NACA: variants seen among roughly 807,000 people sequenced by gnomAD.
NACA encodes the protein nascent polypeptide associated complex subunit alpha.
In NACA, 42 loss-of-function variants were observed where a neutral mutation model predicts 86.4. The ratio of observed to expected loss-of-function variants is 0.49; its 90% confidence interval spans 0.38 to 0.63. The LOEUF (loss-of-function observed/expected upper bound fraction) is 0.63, where lower values mean the gene tolerates loss of function less well. NACA is among the 20% of genes least tolerant of loss of function. The pLI is 0.00. For synonymous variants in NACA, 898 were observed against 973.7 expected (o/e 0.92, Z 1.45); for missense variants, 2,157 against 2,483.6 (o/e 0.87, Z 2.80).
At chr12:56,724,812 C>T (rs1953669605) in intron 1 of NACA, 1 of 388,776 alleles carries the variant, frequency 2.6e-6, no homozygotes, top group East Asian at 5.0e-5. Flanking sequence ...ACCCCCTCCA[C>T]TCCTAATACT....
chr12:56,717,231 G>C lies in NACA; in HGVS notation c.4299C>G (p.Leu1433=), dbSNP rs1457601822. The C allele has an allele frequency of 3.0e-6, 4 of 1,315,242 alleles. No individual in the cohort carries two copies. The highest frequency in any genetic ancestry group is 4.0e-6 in the Non-Finnish European group (4 of 1,009,906). The allele number at this position is 1,315,242 out of a possible 1,614,324, so 81.5% of individuals were successfully genotyped here. ...EGAATPSKGD[L]TPPAVTPVSL... ...AGACAGGAGTCACTGCTGGGGGAGT[G>C]AGATCTCCTTTGGATGGGGTGGCTG... Residue 1433 remains leucine, a synonymous_variant, in exon 3 of 9, where the codon CTC becomes CTG. Transcript: ENST00000454682.
chr12:56,714,579 C>A, intron 4 of NACA, 23 bp downstream of exon 4: 1 of 1,613,368 alleles, frequency 6.2e-7, no homozygotes, highest in Non-Finnish European at 8.5e-7. Flanking sequence ...TGACCCAATA[C>A]CAGTTAGTAA....
chr12:56,714,799 TTAAATG>T (rs1953307801), intron 3 of NACA, 112 bp from the exon 4 acceptor site: 1 of 976,800 alleles, frequency 1.0e-6, no homozygotes, highest in African/African-American at 1.6e-5. Context: ...CCTAAGAATG[TTAAATG>T]TAAACCAACT....
In NACA at chr12:56,713,581, T is replaced by C. The variant is rs1487448500; in HGVS notation, c.5926A>G (p.Lys1976Glu). The change falls in exon 6 of 9, where the codon AAG becomes GAG. Residue 1976 changes from lysine (K) to glutamate (E), a missense_variant. This residue lies in a region of NACA where 81 missense variants were observed against 200.6 expected (regional missense o/e 0.40). Transcript: ENST00000454682. ...ATGTAAGTATCTGAAGCAGGGCTCT[T>C]GTAGACATCTGGTTTTGTGATGACA... ...LFVITKPDVYKSPASDTYIVF... is the reference protein window; with the variant it reads ...LFVITKPDVYESPASDTYIVF... The C allele has an allele frequency of 6.2e-7, 1 of 1,613,898 alleles. No individual in the cohort carries two copies. Among genetic ancestry groups the C allele is most frequent in the African/African-American group, 1.3e-5 (1 of 74,920 alleles).
At chr12:56,715,396 C>G (rs953456757) in intron 3 of NACA, among the ~76,000 whole-genome samples, 1 of 152,138 alleles carries the variant, frequency 6.6e-6, no homozygotes, top group Non-Finnish European at 1.5e-5. Context: ...CAGATTTCTA[C>G]ATTTTTATGA....
rs774151575 is a variant in NACA, at chr12:56,718,118, CTTTTGGGGAGGGAGGAGTTG to C, written c.3392_3411del (p.Ala1131GlyfsTer207). 3 of 923,384 alleles carry C rather than the reference CTTTTGGGGAGGGAGGAGTTG, an allele frequency of 3.2e-6. No homozygotes were observed. The highest frequency in any genetic ancestry group is 1.3e-6 in the Non-Finnish European group (1 of 773,126). The allele number at this position is 923,384 out of a possible 1,614,324, so 57.2% of individuals were successfully genotyped here. A position where few individuals can be genotyped will look rare whatever the true frequency, so the allele number is the denominator to read the frequency against. On this transcript the variant is annotated frameshift_variant, in exon 3 of 9. Coordinates refer to ENST00000454682, the MANE Select transcript of NACA (RefSeq NM_001365896.1). LOFTEE classifies it high-confidence loss of function. ...TTTGGGGGTGGGGTAGCTAGACCTC[CTTTTGGGGAGGGAGGAGTTG>C]CAGCTGGGGTTGTGGGTGCCCCTTT...
Position 56,716,369 on chromosome 12 carries a change from A to C in NACA, c.5161T>G (p.Ser1721Ala), listed in dbSNP as rs1205518436. ...ATSPPICPDP[S>A]AKNGSKGPLS... is the part of the protein sequence containing the mutation. ...GGTCCTTTAGAACCATTCTTAGCTGAGGGATCTGGGCATATAGGAGGTGAA... is the reference window on the plus strand; with the variant it reads ...GGTCCTTTAGAACCATTCTTAGCTGCGGGATCTGGGCATATAGGAGGTGAA... Residue 1721 changes from serine (S) to alanine (A), a missense_variant, in exon 3 of 9, where the codon TCA (serine) becomes GCA (alanine). By Grantham distance (99) the Ser-to-Ala change is moderately conservative (BLOSUM62 1). This residue lies in a region of NACA where 797 missense variants were observed against 777.6 expected (regional missense o/e 1.02). Transcript: ENST00000454682. The C allele has an allele frequency of 6.2e-7, 1 of 1,611,130 alleles. No homozygotes were observed. Among genetic ancestry groups the C allele is most frequent in the East Asian group, 2.2e-5 (1 of 44,806 alleles).
In NACA at chr12:56,717,656, C is replaced by T; in HGVS notation, c.3874G>A (p.Val1292Ile). The T allele has an allele frequency of 8.4e-7, 1 of 1,190,668 alleles. No individual in the cohort carries two copies. Among genetic ancestry groups the T allele is most frequent in the South Asian group, 2.3e-5 (1 of 44,206 alleles). The allele number at this position is 1,190,668 out of a possible 1,614,324, so 73.8% of individuals were successfully genotyped here. A position where few individuals can be genotyped will look rare whatever the true frequency, so the allele number is the denominator to read the frequency against. ...PHKGAPNPAV[V>I]TPPSPKGGPA... is the part of the protein sequence containing the mutation. ...CCTCCTTTTGGAGAGGGAGGAGTTA[C>T]AACTGCGGGATTGGGGGCCCCTTTG... The change falls in exon 3 of 9, where the codon GTA becomes ATA. Residue 1292 changes from valine (V) to isoleucine (I), a missense_variant. By Grantham distance (29) the Val-to-Ile change is conservative (BLOSUM62 3). Around this residue, in one of 8 missense-constraint regions of NACA, gnomAD observed 797 missense variants for 777.6 expected, o/e 1.02. Transcript: ENST00000454682.
chr12:56,716,280 T>C lies in NACA; in HGVS notation c.5250A>G (p.Lys1750=). 2 of 1,613,366 alleles carry C rather than the reference T, an allele frequency of 1.2e-6. No individual in the cohort carries two copies. Among genetic ancestry groups the C allele is most frequent in the South Asian group, 1.1e-5 (1 of 90,652 alleles). The change falls in exon 3 of 9, where the codon AAA becomes AAG. Residue 1750 remains lysine (K), a synonymous_variant. Transcript: ENST00000454682. ...TTGGGGAATGAGAAGCATCTTTGCC[T>C]TTTGCTGTCTTTGAAGAGTCTTTCT... The part of the protein sequence containing the change: ...PVQKDSSKTA[K]GKDASHSPKG...
At position 56,716,190 on chromosome 12, in the gene NACA, C is replaced by G. The variant is rs1953354963; in HGVS notation, c.5340G>C (p.Lys1780Asn). ...ATGCTGATTCAGGTTTAGGAAGGAC[C>G]TTCTCAAAGGCAGCTGCTGTTAGAG... is the stretch of plus-strand genomic sequence containing the variant. ...STPLTAAAFEKVLPKPESASV... is the reference protein window; with the variant it reads ...STPLTAAAFENVLPKPESASV... Residue 1780 changes from lysine to asparagine, a missense_variant, in exon 3 of 9, where the codon AAG (lysine) becomes AAC (asparagine). Physicochemically the swap from Lys to Asn is moderately conservative, Grantham distance 94. Coordinates refer to ENST00000454682, the MANE Select transcript of NACA (RefSeq NM_001365896.1). 1.2e-6 allele frequency: 2 copies of G among 1,613,700 alleles called. No individual in the cohort carries two copies. Among genetic ancestry groups the G allele is most frequent in the East Asian group, 2.2e-5 (1 of 44,890 alleles).
At chr12:56,714,325 T>G in intron 5 of NACA, 37 bp downstream of exon 5, 1 of 1,595,770 alleles carries the variant, frequency 6.3e-7, no homozygotes, top group African/African-American at 1.3e-5. Flanking sequence ...TGTATAAAGG[T>G]GCTTCATAAG....
rs577145616 is a variant in NACA at position 56,716,529 on chromosome 12, T to C, written c.5001A>G (p.Gln1667=). ...TCTTTGCTGGAAGCCCTTTAGATGC[T>C]TGAGGAACAGTGGCCCCCATTTTAC... ...VTCKMGATVP[Q]ASKGLPAKKG... is the part of the protein sequence containing the mutation. Residue 1667 remains glutamine, a synonymous_variant, in exon 3 of 9, where the codon CAA becomes CAG. Transcript: ENST00000454682. 8.1e-6 allele frequency: 12 copies of C among 1,481,608 alleles called. No homozygotes were observed. The South Asian group carries it at 1.2e-4, about 15-fold the overall frequency. The allele number at this position is 1,481,608 out of a possible 1,614,324, so 91.8% of individuals were successfully genotyped here. A position where few individuals can be genotyped will look rare whatever the true frequency, so the allele number is the denominator to read the frequency against.
chr12:56,713,633 A>T lies in NACA; in HGVS notation c.5874T>A (p.Thr1958=), dbSNP rs1235208345. 2 of 1,613,898 alleles carry T rather than the reference A, an allele frequency of 1.2e-6. No homozygotes were observed. Among genetic ancestry groups the T allele is most frequent in the African/African-American group, 1.3e-5 (1 of 74,928 alleles). Reference sequence around the variant, plus strand: ...AGAGGATATTCTTAGATTTCCGGATAGTGACTCTAGTAACTCCTGTAACCT... The same window carrying T: ...AGAGGATATTCTTAGATTTCCGGATTGTGACTCTAGTAACTCCTGTAACCT... The part of the protein sequence containing the change: ...LRQVTGVTRV[T]IRKSKNILFV... The change falls in exon 6 of 9, where the codon ACT becomes ACA. Residue 1958 remains threonine (T), a synonymous_variant. Transcript: ENST00000454682.
Position 56,720,850 on chromosome 12 carries a change from A to G in NACA, c.680T>C (p.Val227Ala). Residue 227 changes from valine to alanine, a missense_variant, in exon 3 of 9, where the codon GTG (valine) becomes GCG (alanine). Val to Ala is a moderately conservative substitution (Grantham distance 64, BLOSUM62 0). Around this residue, in one of 8 missense-constraint regions of NACA, gnomAD observed 947 missense variants for 917.9 expected, o/e 1.03. Transcript: ENST00000454682. ...GGGTGTTGTCTGAGGAAGGGAGGCC[A>G]CTCCAGATTGAATAGAGGCCATGGG... The part of the protein sequence containing the change: ...VTPMASIQSG[V>A]ASLPQTTPTT... 2 of 1,613,956 alleles carry G rather than the reference A, an allele frequency of 1.2e-6. No individual in the cohort carries two copies. The highest frequency in any genetic ancestry group is 1.7e-6 in the Non-Finnish European group (2 of 1,179,878).
intron 2 of NACA, 105 bp downstream of exon 2, chr12:56,724,347 T>A: frequency 8.8e-7 from 1 of 1,135,192 alleles, no homozygotes; most frequent in Non-Finnish European, 1.2e-6. Flanking sequence ...TTGGTAAAGC[T>A]GCAACCCCAT....
Position 56,712,887 on chromosome 12 carries a change from C to T in NACA, c.6121G>A (p.Val2041Ile). The T allele has an allele frequency of 1.2e-6, 2 of 1,614,182 alleles. No homozygotes were observed. Among genetic ancestry groups the T allele is most frequent in the East Asian group, 2.2e-5 (1 of 44,886 alleles). Residue 2041 changes from valine (V) to isoleucine (I), a missense_variant, in exon 8 of 9, where the codon GTT (valine) becomes ATT (isoleucine). Val to Ile is a conservative substitution (Grantham distance 29, BLOSUM62 3). This residue lies in a region of NACA where 81 missense variants were observed against 200.6 expected (regional missense o/e 0.40). Coordinates refer to ENST00000454682, the MANE Select transcript of NACA (RefSeq NM_001365896.1). ...GACATGACCAATTCAATGTCCTTAACTTCTACACCTGTTTCATCGACCTGA... is the reference window on the plus strand; with the variant it reads ...GACATGACCAATTCAATGTCCTTAATTTCTACACCTGTTTCATCGACCTGA... ...EEEVDETGVEVKDIELVMSQA... is the reference protein window; with the variant it reads ...EEEVDETGVEIKDIELVMSQA...
At position 56,719,060 on chromosome 12, in the gene NACA, G is replaced by T. The variant is rs778137678; in HGVS notation, c.2470C>A (p.Leu824Ile). Residue 824 changes from leucine to isoleucine, a missense_variant, in exon 3 of 9, where the codon CTC becomes ATC. Leu to Ile is a conservative substitution (Grantham distance 5, BLOSUM62 2). Transcript: ENST00000454682. The part of the protein sequence containing the change: ...SAGPDTPIGN[L>I]SSPVSPVEAS... ...TCAACTGGAGAAACAGGGGATGAGAGATTTCCAATAGGAGTATCAGGGCCA... is the reference window on the plus strand; with the variant it reads ...TCAACTGGAGAAACAGGGGATGAGATATTTCCAATAGGAGTATCAGGGCCA... 2.1e-6 allele frequency: 3 copies of T among 1,449,256 alleles called. No individual in the cohort carries two copies. Among genetic ancestry groups the T allele is most frequent in the Non-Finnish European group, 2.8e-6 (3 of 1,072,560 alleles). 89.8% of individuals were successfully genotyped at this position (1,449,256 alleles called of 1,614,324 possible).
At position 56,719,614 on chromosome 12, in the gene NACA, G is replaced by T; in HGVS notation, c.1916C>A (p.Ser639Tyr). The part of the protein sequence containing the change: ...PDSAGPLLKS[S>Y]LITPTVAAFP... ...TGCAGCCACTGTTGGGGTAATGAGA[G>T]AACTTTTGAGAAGCGGACCAGCAGA... is the stretch of plus-strand genomic sequence containing the variant. The change falls in exon 3 of 9, where the codon TCT becomes TAT. Residue 639 changes from serine to tyrosine, a missense_variant. Coordinates refer to ENST00000454682, the MANE Select transcript of NACA (RefSeq NM_001365896.1). 1 of 1,613,930 alleles carries T rather than the reference G, an allele frequency of 6.2e-7. No homozygotes were observed. Among genetic ancestry groups the T allele is most frequent in the Non-Finnish European group, 8.5e-7 (1 of 1,179,872 alleles).
rs140448348 is a variant in NACA at position 56,713,086 on chromosome 12, T to G, written c.6075A>C (p.Val2025=). The part of the protein sequence containing the change: ...NIQENTQTPT[V]QEESEEEEVD... ...CCTCTTCCTCTTCACTCTCCTCTTG[T>G]ACAGTTGGAGTCTGTGTGTTTTCTT... The change falls in exon 7 of 9, where the codon GTA becomes GTC. Residue 2025 remains valine (V), a synonymous_variant. Coordinates refer to ENST00000454682, the MANE Select transcript of NACA (RefSeq NM_001365896.1). 2.7e-5 allele frequency: 43 copies of G among 1,613,926 alleles called. No individual in the cohort carries two copies. The highest frequency in any genetic ancestry group is 3.2e-5 in the Non-Finnish European group (38 of 1,180,010).
Sources: gnomAD v4.1 joint callset for allele counts (sites outside exome capture counted in the v4.1 genomes callset) on GRCh38, gnomAD v4.1.1 for gene constraint, gnomAD v4.1.1 regional missense constraint, MANE v1.5 for transcripts, NCBI Gene and HGNC (gene_info 2026-07-23, HGNC 2026-07-21) for gene names.